The following VWA5B2 variants were observed in gnomAD, a reference collection of about 807,000 sequenced individuals.
VWA5B2 encodes von Willebrand factor A domain-containing protein 5B2.
A neutral mutation model predicts 118.5 loss-of-function variants in VWA5B2; 93 were observed. That is an observed-to-expected ratio of 0.79 (90% CI 0.66 to 0.93). VWA5B2 has a LOEUF of 0.93. Among genes scored for constraint, VWA5B2 ranks in the 40% least tolerant of loss-of-function variants. The pLI, the probability that VWA5B2 is intolerant of heterozygous loss-of-function variation, is 0.00. For missense variants in VWA5B2, 1,546 were observed against 1,672.8 expected (o/e 0.92, Z 1.32); for synonymous variants, 708 against 716.3 (o/e 0.99, Z 0.19).
Position 184,242,159 on chromosome 3 carries a change from C to A in VWA5B2, c.*121C>A. The A allele has an allele frequency of 7.8e-7, 1 of 1,281,832 alleles. No homozygotes were observed. Among genetic ancestry groups the A allele is most frequent in the Non-Finnish European group, 1.1e-6 (1 of 937,484 alleles). The allele number at this position is 1,281,832 out of a possible 1,614,324, so 79.4% of individuals were successfully genotyped here. A position where few individuals can be genotyped will look rare whatever the true frequency, so the allele number is the denominator to read the frequency against. On this transcript the variant is annotated 3_prime_UTR_variant, in exon 20 of 20. Transcript: ENST00000691901. ...GGTGCCAGCCTGTCCCCCACTGCTTCTTACTCCCTCCCTAGAGCCCTCTTG... is the reference window on the plus strand; with the variant it reads ...GGTGCCAGCCTGTCCCCCACTGCTTATTACTCCCTCCCTAGAGCCCTCTTG...
At position 184,241,638 on chromosome 3, in the gene VWA5B2, C is replaced by A; in HGVS notation, c.3329C>A (p.Ala1110Glu). 6.5e-7 allele frequency: 1 copy of A among 1,539,612 alleles called. No individual in the cohort carries two copies. Among genetic ancestry groups the A allele is most frequent in the Non-Finnish European group, 8.7e-7 (1 of 1,145,910 alleles). The change falls in exon 20 of 20, where the codon GCA (alanine) becomes GAA (glutamate). Residue 1110 changes from alanine to glutamate, a missense_variant. By Grantham distance (107) the Ala-to-Glu change is moderately radical. Coordinates refer to ENST00000691901, the MANE Select transcript of VWA5B2 (RefSeq NM_001390846.1). This position sits in a 1 kb window ranked among gnomAD's most constrained non-coding sequence, Gnocchi z 5.1. ...CCCACCTCGGCCTCATTGCCCTGGG[C>A]ACTTCTGGGCCCTGGTGTTGGCCAG... is the stretch of plus-strand genomic sequence containing the variant. Reference protein sequence around the residue: ...LSPTSASLPWALLGPGVGQGD... With the variant: ...LSPTSASLPWELLGPGVGQGD...
chr3:184,235,303 C>A lies in VWA5B2; in HGVS notation c.1096C>A (p.His366Asn). Residue 366 changes from histidine to asparagine, a missense_variant, in exon 8 of 20, where the codon CAC (histidine) becomes AAC (asparagine). By Grantham distance (68) the His-to-Asn change is moderately conservative (BLOSUM62 1). Around this residue, in one of 3 missense-constraint regions of VWA5B2, gnomAD observed 775 missense variants for 882.3 expected, o/e 0.88. Transcript: ENST00000691901. ...LFLLDSSSVAHKDAIVLAVKS... is the reference protein window; with the variant it reads ...LFLLDSSSVANKDAIVLAVKS... ...CCTTTTGGATAGCAGCAGCGTGGCACACAAGGCCCGTGGGGGTGTGGTGTG... is the reference window on the plus strand; with the variant it reads ...CCTTTTGGATAGCAGCAGCGTGGCAAACAAGGCCCGTGGGGGTGTGGTGTG... The A allele has an allele frequency of 1.3e-6, 2 of 1,551,426 alleles. No homozygotes were observed. Among genetic ancestry groups the A allele is most frequent in the Non-Finnish European group, 1.7e-6 (2 of 1,146,886 alleles).
Position 184,233,084 on chromosome 3 carries a change from C to G in VWA5B2, c.311-94C>G, listed in dbSNP as rs746697261. 9.2e-6 allele frequency: 11 copies of G among 1,201,756 alleles called. No homozygotes were observed. Among genetic ancestry groups the G allele is most frequent in the Non-Finnish European group, 1.3e-5 (11 of 856,618 alleles). The allele number at this position is 1,201,756 out of a possible 1,614,324, so 74.4% of individuals were successfully genotyped here. On this transcript the variant is annotated intron_variant, in intron 3 of 19. Coordinates refer to ENST00000691901, the MANE Select transcript of VWA5B2 (RefSeq NM_001390846.1). The surrounding 1 kb of genome is among the most constrained non-coding windows in gnomAD (Gnocchi z 5.2). ...TGCCAACACGCAAAGTCCCCCTTGC[C>G]CAGGCTCCCTGACCCAATGCCTGCT...
intron 5 of VWA5B2, among the ~76,000 whole-genome samples, 174 bp from the exon 6 acceptor site, chr3:184,234,092 T>C (rs875038): frequency 0.33 from 49,723 of 152,080 alleles, 8,797 homozygotes; most frequent in African/African-American, 0.47. Context: ...CCAGAAACCC[T>C]GCTGGAATCT....
At chr3:184,236,593 A>G (rs1718026495) in intron 10 of VWA5B2, 42 bp downstream of exon 10, 1 of 1,547,194 alleles carries the variant, frequency 6.5e-7, no homozygotes, top group Non-Finnish European at 8.7e-7. Flanking sequence ...CTGAGCCCCC[A>G]CAAGGGGCTC....
rs1163825979 is a variant in VWA5B2, at chr3:184,241,257, G to A, written c.3033G>A (p.Gly1011=). 6.4e-7 allele frequency: 1 copy of A among 1,551,254 alleles called. No individual in the cohort carries two copies. The part of the protein sequence containing the change: ...DQNGNSKRAL[G]DPATPTEGPR... The stretch of plus-strand genomic sequence containing the variant: ...ATGGCAACTCCAAGCGTGCTTTGGG[G>A]GACCCTGCCACTCCCACGGAAGGTC... The change falls in exon 19 of 20, where the codon GGG becomes GGA. Residue 1011 remains glycine, a synonymous_variant. Coordinates refer to ENST00000691901, the MANE Select transcript of VWA5B2 (RefSeq NM_001390846.1). This position sits in a 1 kb window ranked among gnomAD's most constrained non-coding sequence, Gnocchi z 5.1.
Position 184,238,695 on chromosome 3 carries a change from A to G in VWA5B2, c.2024A>G (p.Glu675Gly). The G allele has an allele frequency of 6.4e-7, 1 of 1,551,342 alleles. No individual in the cohort carries two copies. Among genetic ancestry groups the G allele is most frequent in the Non-Finnish European group, 8.7e-7 (1 of 1,146,990 alleles). Residue 675 changes from glutamate (E) to glycine (G), a missense_variant, in exon 14 of 20, where the codon GAG (glutamate) becomes GGG (glycine). Physicochemically the swap from Glu to Gly is moderately conservative, Grantham distance 98 (BLOSUM62 -2). Around this residue, in one of 3 missense-constraint regions of VWA5B2, gnomAD observed 763 missense variants for 766.6 expected, o/e 1.00. Transcript: ENST00000691901. This position sits in a 1 kb window ranked among gnomAD's most constrained non-coding sequence, Gnocchi z 5.0. ...CTCACCCACTGCTCTGCCAGCCCCG[A>G]GCCAGGCCCAGGCTCCACAGGCAGC... ...YVLTHCSASP[E>G]PGPGSTGSSE... is the part of the protein sequence containing the mutation.
chr3:184,235,233 C>T lies in VWA5B2; in HGVS notation c.1026C>T (p.Ser342=), dbSNP rs1024344026. 2 of 1,551,658 alleles carry T rather than the reference C, an allele frequency of 1.3e-6. No individual in the cohort carries two copies. Among genetic ancestry groups the T allele is most frequent in the Non-Finnish European group, 1.7e-6 (2 of 1,146,970 alleles). The change falls in exon 8 of 20, where the codon AGC becomes AGT. Residue 342 remains serine, a synonymous_variant. Coordinates refer to ENST00000691901, the MANE Select transcript of VWA5B2 (RefSeq NM_001390846.1). The stretch of plus-strand genomic sequence containing the variant: ...CGCTGAGCTTCTGCCCAGACCTGAG[C>T]TCCAAGCCCGGACACCTGGGGACAG... ...VLALSFCPDL[S]SKPGHLGTAT... is the part of the protein sequence containing the mutation.
In VWA5B2 at chr3:184,239,396, G is replaced by A. The variant is rs1254030224; in HGVS notation, c.2205G>A (p.Val735=). 1 of 1,538,394 alleles carries A rather than the reference G, an allele frequency of 6.5e-7. No individual in the cohort carries two copies. Among genetic ancestry groups the A allele is most frequent in the East Asian group, 2.5e-5 (1 of 40,540 alleles). ...TGGCCCCCATATCTCACATGCAGGT[G>A]GGGGCCTTGAGTACTGAGGTGCTGG... ...LPAPTPAPFK[V]GALSTEVLGR... is the part of the protein sequence containing the mutation. Residue 735 remains valine (V), a splice_region_variant and synonymous_variant, in exon 15 of 20, where the codon GTG becomes GTA. Transcript: ENST00000691901. The surrounding 1 kb of genome is among the most constrained non-coding windows in gnomAD (Gnocchi z 5.1).
In VWA5B2 at chr3:184,233,117, C is replaced by A. The variant is rs34797453; in HGVS notation, c.311-61C>A. ...CCTGACCCAATGCCTGCTTCCACAT[C>A]TAGCTTCCTCCCTCTCCTCTGCTTC... On this transcript the variant is annotated intron_variant, in intron 3 of 19. Coordinates refer to ENST00000691901, the MANE Select transcript of VWA5B2 (RefSeq NM_001390846.1). The surrounding 1 kb of genome is among the most constrained non-coding windows in gnomAD (Gnocchi z 5.2). 1 of 1,468,584 alleles carries A rather than the reference C, an allele frequency of 6.8e-7. No homozygotes were observed. Among genetic ancestry groups the A allele is most frequent in the South Asian group, 1.3e-5 (1 of 76,234 alleles). 91.0% of individuals were successfully genotyped at this position (1,468,584 alleles called of 1,614,324 possible).
Position 184,233,242 on chromosome 3 carries a change from C to T in VWA5B2, c.375C>T (p.Ala125=), listed in dbSNP as rs553598302. Residue 125 remains alanine, a synonymous_variant, in exon 4 of 20, where the codon GCC becomes GCT. Transcript: ENST00000691901. This position sits in a 1 kb window ranked among gnomAD's most constrained non-coding sequence, Gnocchi z 5.2. Reference sequence around the variant, plus strand: ...TGGTGCTGCCCACAGGCATTATCGCCGCGGCTGGCACCATGACGGTGACCC... The same window carrying T: ...TGGTGCTGCCCACAGGCATTATCGCTGCGGCTGGCACCATGACGGTGACCC... The part of the protein sequence containing the change: ...STLVLPTGII[A]AAGTMTVTLH... 7.3e-5 allele frequency: 113 copies of T among 1,550,466 alleles called. No individual in the cohort carries two copies. Among genetic ancestry groups the T allele is most frequent in the South Asian group, 7.0e-4 (59 of 83,922 alleles).
rs895876269 is a variant in VWA5B2 at position 184,230,612 on chromosome 3, C to G, written c.84C>G (p.Cys28Trp). The change falls in exon 2 of 20, where the codon TGC (cysteine) becomes TGG (tryptophan). Residue 28 changes from cysteine to tryptophan, a missense_variant. Transcript: ENST00000691901. ...SWVRACANGPCLSVRARLTYR... is the reference protein window; with the variant it reads ...SWVRACANGPWLSVRARLTYR... ...TCCGGGCCTGCGCCAACGGCCCCTG[C>G]CTCAGCGTGCGGGCCCGGCTCACCT... The G allele has an allele frequency of 7.0e-7, 1 of 1,438,480 alleles. No homozygotes were observed. Among genetic ancestry groups the G allele is most frequent in the Non-Finnish European group, 9.1e-7 (1 of 1,101,740 alleles). 89.1% of individuals were successfully genotyped at this position (1,438,480 alleles called of 1,614,324 possible). A position where few individuals can be genotyped will look rare whatever the true frequency, so the allele number is the denominator to read the frequency against.
chr3:184,238,390 C>T lies in VWA5B2; in HGVS notation c.1807C>T (p.Pro603Ser), dbSNP rs1169734169. The change falls in exon 13 of 20, where the codon CCC (proline) becomes TCC (serine). Residue 603 changes from proline to serine, a missense_variant. Pro to Ser is a moderately conservative substitution (Grantham distance 74). Around this residue, in one of 3 missense-constraint regions of VWA5B2, gnomAD observed 775 missense variants for 882.3 expected, o/e 0.88. Transcript: ENST00000691901. The surrounding 1 kb of genome is among the most constrained non-coding windows in gnomAD (Gnocchi z 5.0). The stretch of plus-strand genomic sequence containing the variant: ...GTCTGCTGCCAGCCCTGGCACTGAG[C>T]CCACTGGCACCTCAGAGCCACTGGG... ...APSAASPGTE[P>S]TGTSEPLGTG... is the part of the protein sequence containing the mutation. 2.6e-6 allele frequency: 4 copies of T among 1,550,752 alleles called. No individual in the cohort carries two copies. The South Asian group carries it at 4.8e-5, about 18-fold the overall frequency.
rs1717260819 is a variant in VWA5B2 at position 184,230,433 on chromosome 3, G to A, written c.-96G>A. On this transcript the variant is annotated 5_prime_UTR_variant, in exon 2 of 20. Coordinates refer to ENST00000691901, the MANE Select transcript of VWA5B2 (RefSeq NM_001390846.1). ...AGGCCCCGTCCGGGTGCTGGAGTGAGACTCTCGCGCTGGCCTCTGGAGCGC... is the reference window on the plus strand; with the variant it reads ...AGGCCCCGTCCGGGTGCTGGAGTGAAACTCTCGCGCTGGCCTCTGGAGCGC... 1.5e-6 allele frequency: 2 copies of A among 1,297,232 alleles called. No homozygotes were observed. The highest frequency in any genetic ancestry group is 2.0e-6 in the Non-Finnish European group (2 of 1,016,612). 80.4% of individuals were successfully genotyped at this position (1,297,232 alleles called of 1,614,324 possible). A position where few individuals can be genotyped will look rare whatever the true frequency, so the allele number is the denominator to read the frequency against.
At position 184,229,645 on chromosome 3, in the gene VWA5B2, C is replaced by G. The variant is rs1270736461; in HGVS notation, c.-218C>G. Reference sequence around the variant, plus strand: ...GGCAGGTGCCGGGACCGAGGGCCACCCGGAGCGCAGAGGCGGCACCACCCA... The same window carrying G: ...GGCAGGTGCCGGGACCGAGGGCCACGCGGAGCGCAGAGGCGGCACCACCCA... On this transcript the variant is annotated 5_prime_UTR_variant, in exon 1 of 20. Transcript: ENST00000691901. Among the ~76,000 whole-genome samples the G allele has an allele frequency of 1.3e-5, 2 of 152,098 alleles. No individual in the cohort carries two copies. The highest frequency in any genetic ancestry group is 2.9e-5 in the Non-Finnish European group (2 of 67,974).
rs1184721633 is a variant in VWA5B2, at chr3:184,233,892, G to T, written c.688+159G>T. Among the ~76,000 whole-genome samples, 2 of 152,202 alleles carry T rather than the reference G, an allele frequency of 1.3e-5. No individual in the cohort carries two copies. Among genetic ancestry groups the T allele is most frequent in the East Asian group, 3.9e-4 (2 of 5,182 alleles). On this transcript the variant is annotated intron_variant, in intron 5 of 19. Transcript: ENST00000691901. The surrounding 1 kb of genome is among the most constrained non-coding windows in gnomAD (Gnocchi z 5.2). Reference sequence around the variant, plus strand: ...TGGGTTAGTGGTGGGAGCATCCCCTGGTCACCTCTACCCAACACACACACC... The same window carrying T: ...TGGGTTAGTGGTGGGAGCATCCCCTTGTCACCTCTACCCAACACACACACC...
At chr3:184,231,990 T>A (rs1218943327) in intron 3 of VWA5B2, among the ~76,000 whole-genome samples, 1 of 152,198 alleles carries the variant, frequency 6.6e-6, no homozygotes, top group East Asian at 1.9e-4. Flanking sequence ...GGGGCAACAG[T>A]ATAAGCAAAT....
At position 184,234,721 on chromosome 3, in the gene VWA5B2, G is replaced by C. The variant is rs577495278; in HGVS notation, c.911G>C (p.Arg304Thr). The C allele has an allele frequency of 5.2e-6, 8 of 1,551,408 alleles. No homozygotes were observed. The African/African-American group carries it at 1.1e-4, about 21-fold the overall frequency. ...GTGAGGGCCCGCCGAGATTTTCAGA[G>C]GCTACAGCGAAGGGACAGTGATGGG... ...ARVRARRDFQ[R>T]LQRRDSDGDR... Residue 304 changes from arginine (R) to threonine (T), a missense_variant, in exon 7 of 20, where the codon AGG becomes ACG. By Grantham distance (71) the Arg-to-Thr change is moderately conservative. This residue lies in a region of VWA5B2 where 775 missense variants were observed against 882.3 expected (regional missense o/e 0.88). Transcript: ENST00000691901.
At position 184,239,975 on chromosome 3, in the gene VWA5B2, T is replaced by C; in HGVS notation, c.2679T>C (p.Ser893=). 2 of 1,550,900 alleles carry C rather than the reference T, an allele frequency of 1.3e-6. No individual in the cohort carries two copies. Among genetic ancestry groups the C allele is most frequent in the Non-Finnish European group, 1.7e-6 (2 of 1,146,928 alleles). ...CACTCCATCGGCTGACAGCAGCCTCTGTGGTCCGGGACAATGAGCAGCTGG... is the reference window on the plus strand; with the variant it reads ...CACTCCATCGGCTGACAGCAGCCTCCGTGGTCCGGGACAATGAGCAGCTGG... ...DQALHRLTAA[S]VVRDNEQLAL... The change falls in exon 16 of 20, where the codon TCT becomes TCC. Residue 893 remains serine, a synonymous_variant. Coordinates refer to ENST00000691901, the MANE Select transcript of VWA5B2 (RefSeq NM_001390846.1). This position sits in a 1 kb window ranked among gnomAD's most constrained non-coding sequence, Gnocchi z 5.1.
Sources: allele counts gnomAD v4.1 joint callset (sites outside exome capture counted in the v4.1 genomes callset), GRCh38; gene constraint gnomAD v4.1.1; regional missense constraint gnomAD v4.1.1; non-coding constraint Gnocchi (gnomAD v3.1); transcripts MANE v1.5; gene names NCBI Gene and HGNC (gene_info 2026-07-23, HGNC 2026-07-21).